The following TM6SF2 variants were observed in gnomAD, a reference collection of about 807,000 sequenced individuals.
The protein encoded by TM6SF2 is transmembrane 6 superfamily member 2.
Under a neutral mutation model 41.0 loss-of-function variants are expected in TM6SF2, and 29 were observed. That is an observed-to-expected ratio of 0.71 (90% CI 0.53 to 0.96). The LOEUF is 0.96. TM6SF2 is among the 50% of genes least tolerant of loss of function. TM6SF2 has a pLI of 0.00. For synonymous variants in TM6SF2, 200 were observed against 209.1 expected (o/e 0.96, Z 0.37); for missense variants, 475 against 499.0 (o/e 0.95, Z 0.46).
chr19:19,273,232 C>T lies in TM6SF2; in HGVS notation c.-17G>A. On this transcript the variant is annotated 5_prime_UTR_variant, in exon 1 of 10. Transcript: ENST00000389363. ...GATGTCCATAGCGGCGGCTGCTGGA[C>T]CCCGGCTCAGCCCCGACGCGTTCTC... The T allele has an allele frequency of 1.4e-6, 2 of 1,393,386 alleles. No individual in the cohort carries two copies. The highest frequency in any genetic ancestry group is 1.9e-6 in the Non-Finnish European group (2 of 1,074,386). 86.3% of individuals were successfully genotyped at this position (1,393,386 alleles called of 1,614,324 possible). A position where few individuals can be genotyped will look rare whatever the true frequency, so the allele number is the denominator to read the frequency against.
chr19:19,270,042 T>C, intron 4 of TM6SF2, 131 bp downstream of exon 4: 1 of 1,534,070 alleles, frequency 6.5e-7, no homozygotes, highest in Non-Finnish European at 8.8e-7. Flanking sequence ...TGGCCACCCC[T>C]GGCTGGAGCC....
intron 1 of TM6SF2, among the ~76,000 whole-genome samples, chr19:19,272,449 A>G (rs1250155494): frequency 1.3e-5 from 2 of 152,170 alleles, no homozygotes; most frequent in African/African-American, 4.8e-5. Flanking sequence ...GGGTATTCCC[A>G]CCCAGGGAGC....
chr19:19,266,198 C>A (rs1037686914), intron 9 of TM6SF2, among the ~76,000 whole-genome samples: 4 of 152,156 alleles, frequency 2.6e-5, no homozygotes, highest in Non-Finnish European at 5.9e-5. Flanking sequence ...AATGCCCTTC[C>A]CTGCCTGGAG....
intron 7 of TM6SF2, 111 bp downstream of exon 7, chr19:19,267,875 T>C: frequency 1.8e-6 from 2 of 1,093,956 alleles, no homozygotes; most frequent in Non-Finnish European, 2.7e-6. Flanking sequence ...CAGGTTAGAC[T>C]TGATGAAGAA....
At chr19:19,267,761 G>A (rs2061008487) in intron 7 of TM6SF2, 48 bp from the exon 8 acceptor site, 2 of 1,566,332 alleles carry the variant, frequency 1.3e-6, no homozygotes, top group Non-Finnish European at 8.7e-7. Context: ...CCTCCCACAG[G>A]AAGCCTCCCC....
intron 1 of TM6SF2, 56 bp downstream of exon 1, chr19:19,273,065 C>CCCCCCCCCCCCCCCCCCCCCCCCCCCCA: frequency 2.2e-6 from 1 of 451,458 alleles, no homozygotes; most frequent in South Asian, 2.6e-5. Context: ...CAGTCCTCCC[C>CCCCCCCCCCCCCCCCCCCCCCCCCCCCA]GCCCCCGCCC....
At chr19:19,272,547 G>A (rs1001747555) in intron 1 of TM6SF2, among the ~76,000 whole-genome samples, 1 of 152,114 alleles carries the variant, frequency 6.6e-6, no homozygotes, top group Non-Finnish European at 1.5e-5. Flanking sequence ...CCCACTATCC[G>A]GTGGCTGGAC....
intron 8 of TM6SF2, among the ~76,000 whole-genome samples, chr19:19,267,001 A>G (rs1361024873): frequency 6.6e-6 from 1 of 152,146 alleles, no homozygotes. Flanking sequence ...GGGTGCATGG[A>G]AGCCTGAAGC....
intron 1 of TM6SF2, among the ~76,000 whole-genome samples, chr19:19,272,793 C>T (rs1008533458): frequency 5.9e-5 from 9 of 151,590 alleles, no homozygotes; most frequent in African/African-American, 2.2e-4. Flanking sequence ...GACTTTGGAA[C>T]CTAGGCAGGG....
chr19:19,272,989 G>T, intron 1 of TM6SF2, 132 bp downstream of exon 1: 1 of 666,764 alleles, frequency 1.5e-6, no homozygotes, highest in Non-Finnish European at 2.3e-6. Context: ...GGTCGGAGCT[G>T]AGCTGGGGCG....
chr19:19,270,047 G>A (rs1053137488), intron 4 of TM6SF2, 126 bp downstream of exon 4: 1 of 1,537,254 alleles, frequency 6.5e-7, no homozygotes, highest in Non-Finnish European at 8.8e-7. Flanking sequence ...ACCCCTGGCT[G>A]GAGCCCTAGA....
chr19:19,271,918 G>A (rs2024820420), intron 1 of TM6SF2, among the ~76,000 whole-genome samples: 1 of 152,162 alleles, frequency 6.6e-6, no homozygotes, highest in African/African-American at 2.4e-5. Flanking sequence ...AAGCCCCTCT[G>A]TGGCCAGGCC....
At chr19:19,266,192 C>T (rs1394461711) in intron 9 of TM6SF2, among the ~76,000 whole-genome samples, 1 of 152,144 alleles carries the variant, frequency 6.6e-6, no homozygotes, top group Non-Finnish European at 1.5e-5. Context: ...TCCTGGAATG[C>T]CCTTCCCTGC....
intron 9 of TM6SF2, 92 bp from the exon 10 acceptor site, chr19:19,264,965 AC>A: frequency 1.1e-6 from 1 of 874,898 alleles, no homozygotes; most frequent in Non-Finnish European, 1.6e-6. Context: ...GTCAGGCAGA[AC>A]CCAGGGGATG....
Position 19,264,693 on chromosome 19 carries a change from G to C in TM6SF2, c.1105C>G (p.Pro369Ala). ...AFFHQPPPSD[P>A]LALHKKQH The stretch of plus-strand genomic sequence containing the variant: ...TGCTGCTTCTTGTGGAGGGCTAGGG[G>C]GTCGGAGGGTGGTGGCTGGTGGAAG... Residue 369 changes from proline (P) to alanine (A), a missense_variant, in exon 10 of 10, where the codon CCC (proline) becomes GCC (alanine). Physicochemically the swap from Pro to Ala is conservative, Grantham distance 27 (BLOSUM62 -1). Transcript: ENST00000389363. 5.1e-6 allele frequency: 8 copies of C among 1,571,336 alleles called. No homozygotes were observed. Among genetic ancestry groups the C allele is most frequent in the Non-Finnish European group, 6.9e-6 (8 of 1,157,136 alleles).
At chr19:19,270,321 G>C (rs1292848717) in intron 3 of TM6SF2, 24 bp downstream of exon 3, 2 of 1,613,990 alleles carry the variant, frequency 1.2e-6, no homozygotes, top group African/African-American at 1.3e-5. Context: ...GCGGTAGGGG[G>C]CTCCCTGGTC....
At chr19:19,265,654 A>G (rs958679276) in intron 9 of TM6SF2, among the ~76,000 whole-genome samples, 2 of 152,058 alleles carry the variant, frequency 1.3e-5, no homozygotes, top group African/African-American at 2.4e-5. Context: ...CCTGGGCTCA[A>G]GCAGCCCTCC....
At chr19:19,273,002 G>A in intron 1 of TM6SF2, 119 bp downstream of exon 1, 1 of 769,040 alleles carries the variant, frequency 1.3e-6, no homozygotes, top group Non-Finnish European at 1.9e-6. Flanking sequence ...CTGGGGCGCA[G>A]GGCTCGCAGA....
intron 1 of TM6SF2, 60 bp downstream of exon 1, chr19:19,273,061 T>TAG: frequency 3.6e-5 from 11 of 305,464 alleles, no homozygotes; most frequent in Non-Finnish European, 6.7e-5. Flanking sequence ...CCTCCAGTCC[T>TAG]CCCCGCCCCC....
Sources: allele counts gnomAD v4.1 joint callset (sites outside exome capture counted in the v4.1 genomes callset), GRCh38; gene constraint gnomAD v4.1.1; transcripts MANE v1.5; gene names NCBI Gene and HGNC (gene_info 2026-07-23, HGNC 2026-07-21).